Variants in RAI14 observed in about 807,000 individuals in gnomAD.
RAI14 encodes ankycorbin.
Under a neutral mutation model 115.4 loss-of-function variants are expected in RAI14, and 45 were observed. The observed-to-expected ratio is 0.39, with a 90% CI of 0.31 to 0.50. The LOEUF (loss-of-function observed/expected upper bound fraction) is 0.50. RAI14 is among the 20% of genes least tolerant of loss of function. The pLI, the probability that RAI14 is intolerant of heterozygous loss-of-function variation, is 0.85. For missense variants in RAI14, 939 were observed against 1,131.2 expected (o/e 0.83, Z 2.44); for synonymous variants, 371 against 415.4 (o/e 0.89, Z 1.30).
chr5:34,803,340 G>A (rs1450449955), intron 4 of RAI14, among the ~76,000 whole-genome samples: 2 of 152,190 alleles, frequency 1.3e-5, no homozygotes, highest in Non-Finnish European at 2.9e-5. Context: ...TTGAGCTCAG[G>A]AGTTCGAGAT....
rs1212958925 is a variant in RAI14 at position 34,791,779 on chromosome 5, AAG to A, written c.168-4159_168-4158del. Among the ~76,000 whole-genome samples the A allele has an allele frequency of 7.9e-5, 12 of 152,310 alleles. No individual in the cohort carries two copies. Among genetic ancestry groups the A allele is most frequent in the African/African-American group, 2.9e-4 (12 of 41,578 alleles). On this transcript the variant is annotated intron_variant, in intron 3 of 17. Coordinates refer to ENST00000265109, the MANE Select transcript of RAI14 (RefSeq NM_015577.3). This position sits in a 1 kb window ranked among gnomAD's most constrained non-coding sequence, Gnocchi z 5.4. ...AGAATCTATTTCTACTCTTGACCTA[AAG>A]GGGCAAGGAGGGAAAGCTGCAGCTG...
chr5:34,682,752 G>A (rs914577769), intron 1 of RAI14, among the ~76,000 whole-genome samples: 19 of 152,138 alleles, frequency 1.2e-4, no homozygotes, highest in African/African-American at 4.6e-4. Context: ...TGTTTGAAAT[G>A]GGAGAACTTA....
chr5:34,724,406 A>T (rs1336638112), intron 2 of RAI14, among the ~76,000 whole-genome samples: 1 of 152,208 alleles, frequency 6.6e-6, no homozygotes, highest in Non-Finnish European at 1.5e-5. Context: ...TGTTTTGGTT[A>T]TTAAAGTATG....
intron 2 of RAI14, among the ~76,000 whole-genome samples, chr5:34,701,212 A>T (rs1412719882): frequency 6.6e-6 from 1 of 152,206 alleles, no homozygotes; most frequent in East Asian, 1.9e-4. Flanking sequence ...CTTATTTTCC[A>T]ACCTGACTCT....
intron 12 of RAI14, among the ~76,000 whole-genome samples, chr5:34,817,446 A>C (rs1030334095): frequency 3.9e-5 from 6 of 152,128 alleles, no homozygotes; most frequent in African/African-American, 1.2e-4. Context: ...AGTTTCATTA[A>C]AGTTAAATAT....
intron 2 of RAI14, among the ~76,000 whole-genome samples, chr5:34,702,529 A>C (rs1176865536): frequency 6.6e-6 from 1 of 152,184 alleles, no homozygotes; most frequent in Non-Finnish European, 1.5e-5. Flanking sequence ...ATATTTAATC[A>C]GGTTAAAAGC....
At chr5:34,760,599 C>T (rs1003467268) in intron 3 of RAI14, among the ~76,000 whole-genome samples, 3 of 152,114 alleles carry the variant, frequency 2.0e-5, no homozygotes, top group African/African-American at 7.2e-5. Flanking sequence ...ATAATTTTGT[C>T]CAAGATAGTA....
chr5:34,708,296 G>A (rs1208771442), intron 2 of RAI14, among the ~76,000 whole-genome samples: 5 of 150,268 alleles, frequency 3.3e-5, no homozygotes, highest in African/African-American at 4.9e-5. Context: ...TCTGCCTCCC[G>A]CGTTCAAGCG....
chr5:34,729,129 G>T (rs150217582), intron 2 of RAI14, among the ~76,000 whole-genome samples: 1 of 152,052 alleles, frequency 6.6e-6, no homozygotes, highest in African/African-American at 2.4e-5. Flanking sequence ...GGTATATGTG[G>T]GTGGATCCTT....
At chr5:34,724,008 C>G (rs899236892) in intron 2 of RAI14, among the ~76,000 whole-genome samples, 1 of 152,020 alleles carries the variant, frequency 6.6e-6, no homozygotes, top group African/African-American at 2.4e-5. Context: ...ATTTTATACA[C>G]TAACTCCTTT....
chr5:34,703,986 T>G (rs1370112730), intron 2 of RAI14, among the ~76,000 whole-genome samples: 1 of 152,188 alleles, frequency 6.6e-6, no homozygotes, highest in African/African-American at 2.4e-5. Flanking sequence ...ATCAGCATAC[T>G]TGAGGAATTG....
intron 2 of RAI14, among the ~76,000 whole-genome samples, chr5:34,712,311 GA>G (rs1232709531): frequency 4.6e-5 from 7 of 152,114 alleles, no homozygotes; most frequent in African/African-American, 1.7e-4. Context: ...TCCTTAAGAG[GA>G]AAAGGAACAA....
intron 12 of RAI14, among the ~76,000 whole-genome samples, chr5:34,817,220 T>G (rs1756341682): frequency 7.5e-6 from 1 of 133,480 alleles, no homozygotes; most frequent in Non-Finnish European, 1.5e-5. Context: ...GAGGTTGCAG[T>G]GAACCAACAT....
At chr5:34,712,440 G>A (rs923288022) in intron 2 of RAI14, among the ~76,000 whole-genome samples, 1 of 152,154 alleles carries the variant, frequency 6.6e-6, no homozygotes, top group African/African-American at 2.4e-5. Context: ...ATGAAAGGGA[G>A]CTTTCAGTTG....
chr5:34,692,139 C>G (rs1346182885), intron 2 of RAI14, among the ~76,000 whole-genome samples: 1 of 151,874 alleles, frequency 6.6e-6, no homozygotes, highest in Non-Finnish European at 1.5e-5. Context: ...GGTGCATGCT[C>G]GTAATCCCAG....
chr5:34,753,180 TGGA>T (rs1747356517), intron 2 of RAI14, among the ~76,000 whole-genome samples: 1 of 152,176 alleles, frequency 6.6e-6, no homozygotes, highest in Non-Finnish European at 1.5e-5. Context: ...AGGATTTTCA[TGGA>T]AAGTGGTGAG....
rs368262187 is a variant in RAI14 at position 34,821,104 on chromosome 5, G to A, written c.995-628G>A. Among the ~76,000 whole-genome samples the A allele has an allele frequency of 1.4e-4, 21 of 152,332 alleles. 1 individual carries two copies. In the East Asian group the frequency reaches 3.9e-3, roughly 28 times the overall value. ...TGTCATGAACCTGAAGAAGTAGACT[G>A]GAGCCAAATCATAGAGGCCTGAACC... On this transcript the variant is annotated intron_variant, in intron 13 of 17. Transcript: ENST00000265109.
intron 1 of RAI14, 101 bp downstream of exon 1, chr5:34,656,576 G>C (rs1742275391): frequency 6.6e-6 from 1 of 152,472 alleles, no homozygotes; most frequent in Non-Finnish European, 1.5e-5. Context: ...CGCTGGGGAC[G>C]GCGCCCGGGC....
chr5:34,828,411 T>C (rs901484094), intron 16 of RAI14, among the ~76,000 whole-genome samples: 7 of 152,028 alleles, frequency 4.6e-5, no homozygotes, highest in Non-Finnish European at 8.8e-5. Context: ...GAGGCAGTGA[T>C]AGAAAGGAAG....
Sources: gnomAD v4.1 joint callset for allele counts (sites outside exome capture counted in the v4.1 genomes callset) on GRCh38, gnomAD v4.1.1 for gene constraint, Gnocchi (gnomAD v3.1) non-coding constraint, MANE v1.5 for transcripts, NCBI Gene and HGNC (gene_info 2026-07-23, HGNC 2026-07-21) for gene names.